The following CDH18 variants were observed in gnomAD, a reference collection of about 807,000 sequenced individuals.
The protein encoded by CDH18 is cadherin 18, also known as cadherin-18.
A neutral mutation model predicts 67.9 loss-of-function variants in CDH18; 31 were observed. That is an observed-to-expected ratio of 0.46 (90% CI 0.34 to 0.62). CDH18 has a LOEUF of 0.62. Among genes scored for constraint, CDH18 ranks in the 20% least tolerant of loss-of-function variants. The probability of loss-of-function intolerance (pLI) is 0.01; values close to 1 mark genes in which losing one functional copy is unlikely to be tolerated. For synonymous variants in CDH18, 362 were observed against 347.2 expected (o/e 1.04, Z -0.48); for missense variants, 890 against 975.5 (o/e 0.91, Z 1.17).
chr5:20,338,042 A>G (rs1314750214), intron 1 of CDH18, among the ~76,000 whole-genome samples: 1 of 152,134 alleles, frequency 6.6e-6, no homozygotes. Flanking sequence ...CCCACCAACC[A>G]CCAGGAGAAC....
At chr5:19,826,528 T>C (rs1780418585) in intron 3 of CDH18, among the ~76,000 whole-genome samples, 1 of 152,166 alleles carries the variant, frequency 6.6e-6, no homozygotes, top group Non-Finnish European at 1.5e-5. Context: ...ACAGTGAACA[T>C]TTCAGCAGAA....
chr5:20,370,398 C>T (rs987476613), intron 1 of CDH18, among the ~76,000 whole-genome samples: 1 of 151,860 alleles, frequency 6.6e-6, no homozygotes, highest in African/African-American at 2.4e-5. Flanking sequence ...GTTATTATCA[C>T]TTTAGAGAAT....
intron 1 of CDH18, among the ~76,000 whole-genome samples, chr5:20,543,607 T>A (rs180939062): frequency 6.6e-6 from 1 of 152,290 alleles, no homozygotes; most frequent in East Asian, 1.9e-4. Context: ...TAAAGCTGCC[T>A]GGAGATGTAG....
intron 5 of CDH18, among the ~76,000 whole-genome samples, chr5:19,662,762 G>A (rs1757362573): frequency 6.6e-6 from 1 of 151,910 alleles, no homozygotes; most frequent in Non-Finnish European, 1.5e-5. Context: ...GCAAAAATGT[G>A]CAGACTAAAA....
At chr5:20,211,246 G>A (rs2126380911) in intron 2 of CDH18, among the ~76,000 whole-genome samples, 1 of 152,248 alleles carries the variant, frequency 6.6e-6, no homozygotes, top group African/African-American at 2.4e-5. Context: ...GGTAAACAAA[G>A]CAGCCGGGAA....
intron 2 of CDH18, among the ~76,000 whole-genome samples, chr5:20,102,992 T>C (rs1746604483): frequency 6.6e-6 from 1 of 152,294 alleles, no homozygotes; most frequent in East Asian, 1.9e-4. Flanking sequence ...CCTGGATGTG[T>C]CTAAGAACTG....
At chr5:20,170,259 C>A (rs1205308248) in intron 2 of CDH18, among the ~76,000 whole-genome samples, 1 of 151,386 alleles carries the variant, frequency 6.6e-6, no homozygotes, top group Non-Finnish European at 1.5e-5. Context: ...CTCCCACTTA[C>A]AAGTGAGAAC....
At chr5:20,449,684 G>T (rs1206824107) in intron 1 of CDH18, among the ~76,000 whole-genome samples, 1 of 151,928 alleles carries the variant, frequency 6.6e-6, no homozygotes, top group African/African-American at 2.4e-5. Flanking sequence ...AGACACATTT[G>T]TAAGTGTACA....
chr5:20,471,853 C>CAAAAAAAAAAAAAA (rs1554005562), intron 1 of CDH18, among the ~76,000 whole-genome samples: 4 of 56,490 alleles, frequency 7.1e-5, no homozygotes, highest in Non-Finnish European at 9.1e-5. Context: ...AAAAAAAAAG[C>CAAAAAAAAAAAAAA]AAAAGCATTG....
intron 6 of CDH18, among the ~76,000 whole-genome samples, chr5:19,603,211 C>T (rs1747443757): frequency 6.6e-6 from 1 of 152,120 alleles, no homozygotes; most frequent in African/African-American, 2.4e-5. Context: ...ATACATCTTA[C>T]AGCCTGGATG....
chr5:20,548,781 C>G (rs16886288), intron 1 of CDH18, among the ~76,000 whole-genome samples: 1,536 of 152,246 alleles, frequency 0.01, 20 homozygotes, highest in African/African-American at 0.035. Context: ...TCTGTCCAAT[C>G]CTTATTTTTG....
chr5:20,335,092 C>A (rs1739602181), intron 1 of CDH18, among the ~76,000 whole-genome samples: 1 of 152,242 alleles, frequency 6.6e-6, no homozygotes. Flanking sequence ...CATAACGTGT[C>A]ATCACATCAT....
intron 5 of CDH18, among the ~76,000 whole-genome samples, chr5:19,700,375 A>AT (rs1479443896): frequency 6.6e-6 from 1 of 152,204 alleles, no homozygotes; most frequent in Non-Finnish European, 1.5e-5. Context: ...CCACCATTGT[A>AT]TTATGGTGCA....
At chr5:19,848,411 G>A (rs1163918123) in intron 2 of CDH18, among the ~76,000 whole-genome samples, 2 of 152,060 alleles carry the variant, frequency 1.3e-5, no homozygotes, top group Non-Finnish European at 2.9e-5. Flanking sequence ...CTTAGATTCA[G>A]TTAGTTTCAC....
At chr5:20,195,423 T>C (rs909015885) in intron 2 of CDH18, among the ~76,000 whole-genome samples, 1 of 152,050 alleles carries the variant, frequency 6.6e-6, no homozygotes, top group African/African-American at 2.4e-5. Flanking sequence ...GATTATAGCA[T>C]GTTCTTACAT....
chr5:20,199,069 C>A (rs1177360376), intron 2 of CDH18, among the ~76,000 whole-genome samples: 3 of 152,326 alleles, frequency 2.0e-5, no homozygotes, highest in South Asian at 2.1e-4. Context: ...TAGGGCAATG[C>A]AGCAGGGAAA....
chr5:19,918,545 T>A (rs1020378639), intron 2 of CDH18, among the ~76,000 whole-genome samples: 1 of 152,186 alleles, frequency 6.6e-6, no homozygotes, highest in African/African-American at 2.4e-5. Flanking sequence ...CATGGACATA[T>A]TAATGCAGAA....
intron 1 of CDH18, among the ~76,000 whole-genome samples, chr5:20,461,850 C>CT (rs1303196895): frequency 6.6e-6 from 1 of 152,080 alleles, no homozygotes; most frequent in Non-Finnish European, 1.5e-5. Flanking sequence ...TTAACACTAG[C>CT]TTTTAGGGTA....
chr5:20,334,437 T>C (rs911818222), intron 1 of CDH18, among the ~76,000 whole-genome samples: 1 of 152,014 alleles, frequency 6.6e-6, no homozygotes, highest in Non-Finnish European at 1.5e-5. Flanking sequence ...GCGCCCGGCC[T>C]GACTTGAATT....
Sources: allele counts gnomAD v4.1 joint callset (sites outside exome capture counted in the v4.1 genomes callset), GRCh38; gene constraint gnomAD v4.1.1; transcripts MANE v1.5; gene names NCBI Gene and HGNC (gene_info 2026-07-23, HGNC 2026-07-21).